ERCC4: variants seen among roughly 807,000 people sequenced by gnomAD.
ERCC4 encodes the protein ERCC excision repair 4, endonuclease catalytic subunit, also known as DNA repair endonuclease XPF.
In ERCC4, 65 loss-of-function variants were observed where a neutral mutation model predicts 76.9. The observed-to-expected ratio is 0.84, with a 90% CI of 0.69 to 1.04. The LOEUF (loss-of-function observed/expected upper bound fraction) is 1.04. Ranked by LOEUF, ERCC4 falls within the 50% of genes least tolerant of loss-of-function variation. The probability of loss-of-function intolerance (pLI) is 0.00; values close to 1 mark genes in which losing one functional copy is unlikely to be tolerated. For synonymous variants in ERCC4, 463 were observed against 410.1 expected, an observed-to-expected ratio of 1.13 and a Z score of -1.56; for missense variants, 1,214 against 1,128.2, an observed-to-expected ratio of 1.08 and a Z score of -1.09.
rs1428509012 is a variant in ERCC4, at chr16:13,944,808, G to T, written c.1990G>T (p.Asp664Tyr). 7.4e-6 allele frequency: 12 copies of T among 1,613,422 alleles called. No homozygotes were observed. Among genetic ancestry groups the T allele is most frequent in the Non-Finnish European group, 9.3e-6 (11 of 1,179,326 alleles). Residue 664 changes from aspartate to tyrosine, a missense_variant, in exon 10 of 11, where the codon GAT (aspartate) becomes TAT (tyrosine). By Grantham distance (160) the Asp-to-Tyr change is radical. Transcript: ENST00000311895. Reference sequence around the variant, plus strand: ...CCTAGTAAGAGGCACAGCATCTGCAGATGTTTCCACTGACACTCGGAAAGC... The same window carrying T: ...CCTAGTAAGAGGCACAGCATCTGCATATGTTTCCACTGACACTCGGAAAGC... ...LDLVRGTASA[D>Y]VSTDTRKAGG...
In ERCC4 at chr16:13,948,638, A is replaced by G. The variant is rs2032572907; in HGVS notation, c.*291A>G. 7.0e-6 allele frequency: 3 copies of G among 427,378 alleles called. No individual in the cohort carries two copies. In the Admixed American group the frequency reaches 1.2e-4, roughly 16 times the overall value. 26.5% of individuals were successfully genotyped at this position (427,378 alleles called of 1,614,324 possible). The stretch of plus-strand genomic sequence containing the variant: ...GTAAAGTTCCTACAAGTGATTACAG[A>G]AGGTAGAAACTTTACCTGATCCTAA... On this transcript the variant is annotated 3_prime_UTR_variant, in exon 11 of 11. Transcript: ENST00000311895.
At position 13,930,897 on chromosome 16, in the gene ERCC4, G is replaced by C; in HGVS notation, c.973+7G>C. The C allele has an allele frequency of 1.3e-6, 2 of 1,583,764 alleles. No homozygotes were observed. Among genetic ancestry groups the C allele is most frequent in the Non-Finnish European group, 8.7e-7 (1 of 1,152,656 alleles). On this transcript the variant is annotated splice_region_variant and intron_variant, in intron 5 of 10. Coordinates refer to ENST00000311895, the MANE Select transcript of ERCC4 (RefSeq NM_005236.3). ...GCTTTTGGTCAGAATTCAGGTGGGA[G>C]ATTAAAATACTAATAATATTCTAAG...
chr16:13,920,820 C>T (rs2031959423), intron 1 of ERCC4, among the ~76,000 whole-genome samples: 1 of 151,818 alleles, frequency 6.6e-6, no homozygotes, highest in Non-Finnish European at 1.5e-5. Context: ...GTCCCTGACA[C>T]TGTGCAGGCA....
intron 10 of ERCC4, 39 bp from the exon 11 acceptor site, chr16:13,947,575 A>G (rs2032538081): frequency 6.2e-7 from 1 of 1,610,650 alleles, no homozygotes; most frequent in Non-Finnish European, 8.5e-7. Flanking sequence ...CTTCTTTGAG[A>G]GTTCTTCCCC....
chr16:13,928,944 G>T (rs962439913), intron 4 of ERCC4, among the ~76,000 whole-genome samples: 1 of 151,998 alleles, frequency 6.6e-6, no homozygotes, highest in Non-Finnish European at 1.5e-5. Context: ...GCAATAATGC[G>T]TGGCGATTAT....
chr16:13,929,364 G>C (rs935962315), intron 4 of ERCC4, among the ~76,000 whole-genome samples: 4 of 152,130 alleles, frequency 2.6e-5, no homozygotes, highest in African/African-American at 9.7e-5. Context: ...TCTACCTGTT[G>C]TCCTGCAGTG....
chr16:13,939,577 C>T (rs370684875), intron 9 of ERCC4, among the ~76,000 whole-genome samples: 5 of 151,950 alleles, frequency 3.3e-5, no homozygotes, highest in African/African-American at 9.7e-5. Context: ...AAGGCGTGCA[C>T]GAAGGCTCCC....
chr16:13,945,582 C>G (rs3136208), intron 10 of ERCC4, among the ~76,000 whole-genome samples: 10,298 of 152,174 alleles, frequency 0.068, 385 homozygotes, highest in African/African-American at 0.093. Context: ...TTAGAATAAC[C>G]TCAGATGCTC....
chr16:13,938,264 T>C (rs1596629547), intron 9 of ERCC4, among the ~76,000 whole-genome samples: 1 of 152,186 alleles, frequency 6.6e-6, no homozygotes, highest in East Asian at 1.9e-4. Flanking sequence ...TACCGTTTAT[T>C]GGGAAATGCT....
In ERCC4 at chr16:13,948,255, A is replaced by G. The variant is rs752703922; in HGVS notation, c.2659A>G (p.Ile887Val). ...AALSQDELTSILGNAANAKQL... is the reference protein window; with the variant it reads ...AALSQDELTSVLGNAANAKQL... ...CCTGTCACAAGACGAGCTCACGAGT[A>G]TTCTGGGGAATGCTGCAAATGCCAA... The change falls in exon 11 of 11, where the codon ATT becomes GTT. Residue 887 changes from isoleucine to valine, a missense_variant. Coordinates refer to ENST00000311895, the MANE Select transcript of ERCC4 (RefSeq NM_005236.3). The G allele has an allele frequency of 6.2e-7, 1 of 1,614,190 alleles. No homozygotes were observed. Among genetic ancestry groups the G allele is most frequent in the East Asian group, 2.2e-5 (1 of 44,870 alleles).
At chr16:13,937,086 A>ATTTTTCTTT (rs2032314876) in intron 8 of ERCC4, among the ~76,000 whole-genome samples, 1 of 128,724 alleles carries the variant, frequency 7.8e-6, no homozygotes, top group East Asian at 2.3e-4. Context: ...TGCTCAACTA[A>ATTTTTCTTT]TTTTTTTTTT....
intron 4 of ERCC4, among the ~76,000 whole-genome samples, chr16:13,930,271 C>T (rs1046030985): frequency 2.0e-5 from 3 of 151,922 alleles, no homozygotes; most frequent in African/African-American, 7.3e-5. Context: ...CCATTTGGAT[C>T]CCATGTCTTT....
chr16:13,922,742 G>C (rs537196824), intron 2 of ERCC4: 2 of 335,484 alleles, frequency 6.0e-6, no homozygotes, highest in African/African-American at 2.2e-5. Context: ...CTCCTCTGCT[G>C]AACGCTCTAC....
chr16:13,934,187 T>A lies in ERCC4; in HGVS notation c.1103-5T>A. On this transcript the variant is annotated splice_polypyrimidine_tract_variant and splice_region_variant and intron_variant, in intron 6 of 10. Transcript: ENST00000311895. ...ATAGAATGAGATATTTTTATTTCTCTACAGAAACAAAAAAGGAACTGGTCC... is the reference window on the plus strand; with the variant it reads ...ATAGAATGAGATATTTTTATTTCTCAACAGAAACAAAAAAGGAACTGGTCC... The A allele has an allele frequency of 6.3e-7, 1 of 1,583,576 alleles. No homozygotes were observed. Among genetic ancestry groups the A allele is most frequent in the Non-Finnish European group, 8.7e-7 (1 of 1,153,452 alleles).
rs756540416 is a variant in ERCC4 at position 13,930,804 on chromosome 16, A to G, written c.887A>G (p.Gln296Arg). 4 of 1,612,284 alleles carry G rather than the reference A, an allele frequency of 2.5e-6. No individual in the cohort carries two copies. The South Asian group carries it at 4.4e-5, about 18-fold the overall frequency. The change falls in exon 5 of 11, where the codon CAG becomes CGG. Residue 296 changes from glutamine to arginine, a missense_variant. Physicochemically the swap from Gln to Arg is conservative, Grantham distance 43. Coordinates refer to ENST00000311895, the MANE Select transcript of ERCC4 (RefSeq NM_005236.3). Reference sequence around the variant, plus strand: ...TTGAAGATATTACGAACTTTGCTGCAGTATCTCTCTCAGTATGATTGTGTC... The same window carrying G: ...TTGAAGATATTACGAACTTTGCTGCGGTATCTCTCTCAGTATGATTGTGTC... ...QDLKILRTLL[Q>R]YLSQYDCVTF...
At position 13,935,372 on chromosome 16, in the gene ERCC4, C is replaced by G; in HGVS notation, c.1440C>G (p.Thr480=). 1 of 1,607,622 alleles carries G rather than the reference C, an allele frequency of 6.2e-7. No homozygotes were observed. The highest frequency in any genetic ancestry group is 1.1e-5 in the South Asian group (1 of 89,172). ...KDPQNKERAS[T]KERTLKKKKR... is the part of the protein sequence containing the mutation. Reference sequence around the variant, plus strand: ...CCCAAAACAAAGAACGGGCTTCTACCAAAGAAAGAACCCTCAAAAAGAAAA... The same window carrying G: ...CCCAAAACAAAGAACGGGCTTCTACGAAAGAAAGAACCCTCAAAAAGAAAA... The change falls in exon 8 of 11, where the codon ACC becomes ACG. Residue 480 remains threonine, a synonymous_variant. Transcript: ENST00000311895.
Position 13,949,026 on chromosome 16 carries a change from C to G in ERCC4, c.*679C>G, listed in dbSNP as rs116246143. ...CTGCTCTAAGGAAATTTCATGGAGC[C>G]TTCCTACTACTAATTCAAGACAGTC... On this transcript the variant is annotated 3_prime_UTR_variant, in exon 11 of 11. Coordinates refer to ENST00000311895, the MANE Select transcript of ERCC4 (RefSeq NM_005236.3). The G allele has an allele frequency of 3.3e-3, 760 of 232,976 alleles. 4 individuals carry two copies. The highest frequency in any genetic ancestry group is 0.015 in the African/African-American group (699 of 45,438). 14.4% of individuals were successfully genotyped at this position (232,976 alleles called of 1,614,324 possible). A position where few individuals can be genotyped will look rare whatever the true frequency, so the allele number is the denominator to read the frequency against.
chr16:13,947,332 A>G (rs2032533205), intron 10 of ERCC4, among the ~76,000 whole-genome samples: 2 of 152,350 alleles, frequency 1.3e-5, no homozygotes, highest in South Asian at 2.1e-4. Flanking sequence ...TGAGGAAACT[A>G]CAGAGGGGAG....
chr16:13,927,394 A>C (rs2032091867), intron 3 of ERCC4: 1 of 159,538 alleles, frequency 6.3e-6, no homozygotes, highest in African/African-American at 2.4e-5. Context: ...CCCTGTCTCT[A>C]CTATAAATAC....
Sources: gnomAD v4.1 joint callset for allele counts (sites outside exome capture counted in the v4.1 genomes callset) on GRCh38, gnomAD v4.1.1 for gene constraint, MANE v1.5 for transcripts, NCBI Gene and HGNC (gene_info 2026-07-23, HGNC 2026-07-21) for gene names.